Variants in POLR2J3 observed in about 807,000 individuals in gnomAD.
POLR2J3 encodes DNA-directed RNA polymerase II subunit RPB11-b2.
For missense variants in POLR2J3, 5 were observed against 204.2 expected (o/e 0.02, Z 5.95); for synonymous variants, 2 against 81.3 (o/e 0.02, Z 5.25).
chr7:102,568,162 CT>C (rs1801111818), intron 2 of POLR2J3: 1 of 496,410 alleles, frequency 2.0e-6, no homozygotes, highest in African/African-American at 2.6e-5. Flanking sequence ...GCAAATAGCA[CT>C]TGCGGGTCTT....
At chr7:102,568,878 G>A (rs1801138101) in intron 2 of POLR2J3, among the ~76,000 whole-genome samples, 1 of 152,040 alleles carries the variant, frequency 6.6e-6, no homozygotes, top group Admixed American at 6.6e-5. Flanking sequence ...AGACTGGGCA[G>A]ACCCCACTCA....
chr7:102,570,586 A>G (rs1801207027), intron 1 of POLR2J3, among the ~76,000 whole-genome samples: 1 of 150,950 alleles, frequency 6.6e-6, no homozygotes, highest in Non-Finnish European at 1.5e-5. Context: ...CTCCTCGGCT[A>G]AAGTGATCCT....
intron 1 of POLR2J3, 67 bp from the exon 2 acceptor site, chr7:102,569,991 C>CGGT: frequency 9.8e-7 from 1 of 1,022,020 alleles, no homozygotes; most frequent in African/African-American, 1.5e-5. Flanking sequence ...AGTCTAAACC[C>CGGT]TGTCTCCTCC....
intron 2 of POLR2J3, among the ~76,000 whole-genome samples, chr7:102,568,808 G>T (rs1315261025): frequency 6.6e-6 from 1 of 152,022 alleles, no homozygotes; most frequent in African/African-American, 2.4e-5. Flanking sequence ...GAGAGCTTGG[G>T]TGCCCCACTG....
intron 2 of POLR2J3, chr7:102,567,480 C>CA (rs71267975): frequency 0.16 from 19,406 of 124,466 alleles, 37 homozygotes; most frequent in East Asian, 0.33. Flanking sequence ...CACATGCCAC[C>CA]ATGCCTAGCT....
chr7:102,568,365 C>CCA (rs1158874158), intron 2 of POLR2J3, among the ~76,000 whole-genome samples, 181 bp from the exon 3 acceptor site: 7 of 148,264 alleles, frequency 4.7e-5, no homozygotes, highest in Non-Finnish European at 7.5e-5. Context: ...CCTATCCCCG[C>CCA]CACACACACA....
intron 1 of POLR2J3, 180 bp downstream of exon 1, chr7:102,572,292 G>A (rs112662161): frequency 0.14 from 171,895 of 1,186,412 alleles, 70 homozygotes; most frequent in Admixed American, 0.16. Flanking sequence ...GTCCTCATCT[G>A]CAAAATGAAC....
intron 1 of POLR2J3, among the ~76,000 whole-genome samples, chr7:102,570,799 T>TC (rs1801215848): frequency 7.1e-6 from 1 of 140,888 alleles, no homozygotes; most frequent in Non-Finnish European, 1.6e-5. Flanking sequence ...TTCCATCCAT[T>TC]CCCCAAAACA....
intron 2 of POLR2J3, chr7:102,567,589 TG>T (rs1801103556): frequency 1.0e-5 from 1 of 95,402 alleles, no homozygotes; most frequent in African/African-American, 4.0e-5. Flanking sequence ...TTTTCTTTGC[TG>T]TGGCTCTTTC....
chr7:102,572,287 C>T (rs1801246816), intron 1 of POLR2J3, 185 bp downstream of exon 1: 1 of 1,515,238 alleles, frequency 6.6e-7, no homozygotes, highest in Non-Finnish European at 8.9e-7. Context: ...TCAGTGTCCT[C>T]ATCTGCAAAA....
chr7:102,571,968 T>A (rs1801229592), intron 1 of POLR2J3: 1 of 234,248 alleles, frequency 4.3e-6, no homozygotes, highest in Admixed American at 6.7e-5. Context: ...TTAAGTACAG[T>A]AATAAACTCA....
rs1801079171 is a variant in POLR2J3, at chr7:102,567,031, AG to A, written c.192del (p.Ser65ProfsTer55). On this transcript the variant is annotated frameshift_variant, in exon 3 of 7. Coordinates refer to ENST00000513506, the Ensembl canonical transcript of POLR2J3. LOFTEE classifies it high-confidence loss of function. Reference sequence around the variant, plus strand: ...GGCTGTACAGGAAGCGTGGCTGGGGAGGCCTCAGGAAACTGACAATCACGGC... The same window carrying A: ...GGCTGTACAGGAAGCGTGGCTGGGGAGCCTCAGGAAACTGACAATCACGGC... 1 of 599,962 alleles carries A rather than the reference AG, an allele frequency of 1.7e-6. No individual in the cohort carries two copies. The highest frequency in any genetic ancestry group is 3.0e-6 in the Non-Finnish European group (1 of 338,556). The allele number at this position is 599,962 out of a possible 1,614,324, so 37.2% of individuals were successfully genotyped here.
intron 2 of POLR2J3, 30 bp downstream of exon 2, chr7:102,569,805 G>GC: frequency 1.2e-6 from 2 of 1,602,988 alleles, no homozygotes; most frequent in East Asian, 2.2e-5. Context: ...ATTAAACATA[G>GC]CCCCTGAGAG....
At chr7:102,568,599 C>A (rs1438439718) in intron 2 of POLR2J3, among the ~76,000 whole-genome samples, 2 of 151,802 alleles carry the variant, frequency 1.3e-5, no homozygotes, top group Non-Finnish European at 2.9e-5. Flanking sequence ...GCAAATGGAA[C>A]TCTGCCCTCC....
At position 102,572,315 on chromosome 7, in the gene POLR2J3, G is replaced by C. The variant is rs1544395; in HGVS notation, c.50+157C>G. On this transcript the variant is annotated intron_variant, in intron 1 of 6. Transcript: ENST00000513506. ...CTGCAAAATGAACACACTCGCGACT[G>C]CCTCGCGGAACGGCCTTAAATTTGG... 6.0e-6 allele frequency: 9 copies of C among 1,510,640 alleles called. No homozygotes were observed. The Admixed American group carries it at 1.7e-4, about 28-fold the overall frequency. 93.6% of individuals were successfully genotyped at this position (1,510,640 alleles called of 1,614,324 possible).
At chr7:102,572,375 T>C (rs1489906828) in intron 1 of POLR2J3, 97 bp downstream of exon 1, 1 of 1,579,534 alleles carries the variant, frequency 6.3e-7, no homozygotes, top group Non-Finnish European at 8.6e-7. Flanking sequence ...AAGCAAAAGC[T>C]GTTTCCCTCC....
intron 1 of POLR2J3, among the ~76,000 whole-genome samples, chr7:102,570,403 AC>A (rs1801200250): frequency 7.0e-6 from 1 of 143,292 alleles, no homozygotes; most frequent in Admixed American, 7.1e-5. Flanking sequence ...ACTTCCTGCT[AC>A]CCCAGGTCTA....
chr7:102,568,511 A>C (rs1329293068), intron 2 of POLR2J3, among the ~76,000 whole-genome samples: 47 of 150,718 alleles, frequency 3.1e-4, no homozygotes, highest in African/African-American at 1.1e-3. Context: ...ACTCAGACCC[A>C]AAAAGCCCAC....
chr7:102,569,666 G>T (rs1161528832), intron 2 of POLR2J3, 169 bp downstream of exon 2: 1 of 620,424 alleles, frequency 1.6e-6, no homozygotes, highest in African/African-American at 1.9e-5. Context: ...TGAAGACATG[G>T]AGGTCGGTGT....
Sources: allele counts gnomAD v4.1 joint callset (sites outside exome capture counted in the v4.1 genomes callset), GRCh38; gene constraint gnomAD v4.1.1; transcripts MANE v1.5; gene names NCBI Gene and HGNC (gene_info 2026-07-23, HGNC 2026-07-21).